The following FN3KRP variants were observed in gnomAD, a reference collection of about 807,000 sequenced individuals.
FN3KRP encodes the protein fructosamine 3 kinase related protein.
In FN3KRP, 33 loss-of-function variants were observed where a neutral mutation model predicts 29.8. The observed-to-expected ratio is 1.11, with a 90% confidence interval of 0.84 to 1.48. The LOEUF is 1.48. Ranked by LOEUF, FN3KRP falls within the 40% of genes most tolerant of loss-of-function variation. FN3KRP has a pLI of 0.00. For missense variants in FN3KRP, 430 were observed against 402.6 expected, an observed-to-expected ratio of 1.07 and a Z score of -0.58; for synonymous variants, 157 against 155.2, an observed-to-expected ratio of 1.01 and a Z score of -0.09.
chr17:82,719,940 G>A (rs530519245), intron 2 of FN3KRP, among the ~76,000 whole-genome samples: 3 of 152,166 alleles, frequency 2.0e-5, no homozygotes, highest in African/African-American at 7.2e-5. Flanking sequence ...CAAGGTGGGC[G>A]GATGACTTGA....
At chr17:82,723,617 G>A (rs1316866721) in intron 4 of FN3KRP, among the ~76,000 whole-genome samples, 5 of 152,102 alleles carry the variant, frequency 3.3e-5, no homozygotes, top group Non-Finnish European at 5.9e-5. Flanking sequence ...ACGCATGTGT[G>A]CATATGTGTA....
rs555497571 is a variant in FN3KRP, at chr17:82,718,602, G to A, written c.142-304G>A. The A allele has an allele frequency of 5.5e-5, 62 of 1,122,346 alleles. 1 individual carries two copies. In the African/African-American group the frequency reaches 6.1e-4, roughly 11 times the overall value. 69.5% of individuals were successfully genotyped at this position (1,122,346 alleles called of 1,614,324 possible). A position where few individuals can be genotyped will look rare whatever the true frequency, so the allele number is the denominator to read the frequency against. ...CCATGTTCACAGTCCCACTGTTGCCGGATCTTAGTGGAATATTAGTGCCTT... is the reference window on the plus strand; with the variant it reads ...CCATGTTCACAGTCCCACTGTTGCCAGATCTTAGTGGAATATTAGTGCCTT... On this transcript the variant is annotated intron_variant, in intron 1 of 5. Coordinates refer to ENST00000269373, the MANE Select transcript of FN3KRP (RefSeq NM_024619.4).
intron 4 of FN3KRP, 76 bp downstream of exon 4, chr17:82,722,962 C>T: frequency 7.7e-7 from 1 of 1,300,226 alleles, no homozygotes; most frequent in Non-Finnish European, 1.1e-6. Context: ...GACACACCCC[C>T]CTCCTTTTTT....
In FN3KRP at chr17:82,726,968, G is replaced by A; in HGVS notation, c.727G>A (p.Glu243Lys). Residue 243 changes from glutamate (E) to lysine (K), a missense_variant, in exon 6 of 6, where the codon GAA becomes AAA. Physicochemically the swap from Glu to Lys is moderately conservative, Grantham distance 56. Transcript: ENST00000269373. ...FDPASFYGHS[E>K]YELAIAGMFG... ...CCCAGCTTCTTTCTACGGCCACTCG[G>A]AATATGAGCTGGCAATAGCTGGCAT... The A allele has an allele frequency of 6.2e-7, 1 of 1,614,076 alleles. No homozygotes were observed.
At chr17:82,718,863 T>C in intron 1 of FN3KRP, 43 bp from the exon 2 acceptor site, 1 of 1,601,078 alleles carries the variant, frequency 6.2e-7, no homozygotes, top group Non-Finnish European at 8.5e-7. Context: ...GGAAGTAACC[T>C]TGCCTCCCTG....
At position 82,726,725 on chromosome 17, in the gene FN3KRP, G is replaced by C; in HGVS notation, c.592-108G>C. On this transcript the variant is annotated intron_variant, in intron 5 of 5. Coordinates refer to ENST00000269373, the MANE Select transcript of FN3KRP (RefSeq NM_024619.4). ...ATTCTGGGTGGGAAGCGGGTGCCTG[G>C]TGGTGTGCTATCCGCTGCTGCCTGG... The C allele has an allele frequency of 2.0e-6, 3 of 1,506,138 alleles. No individual in the cohort carries two copies. The South Asian group carries it at 4.0e-5, about 20-fold the overall frequency. The allele number at this position is 1,506,138 out of a possible 1,614,324, so 93.3% of individuals were successfully genotyped here.
In FN3KRP at chr17:82,726,610, G is replaced by C; in HGVS notation, c.591+8G>C. 4.4e-6 allele frequency: 7 copies of C among 1,607,976 alleles called. No homozygotes were observed. The highest frequency in any genetic ancestry group is 5.1e-6 in the Non-Finnish European group (6 of 1,177,060). On this transcript the variant is annotated splice_region_variant and intron_variant, in intron 5 of 5. Coordinates refer to ENST00000269373, the MANE Select transcript of FN3KRP (RefSeq NM_024619.4). The stretch of plus-strand genomic sequence containing the variant: ...CTTTGGTCTGCTCTGCAGGTGAGTG[G>C]GGCCCCACTGCATGCCCAGCACCTG...
Position 82,717,053 on chromosome 17 carries a change from G to A in FN3KRP, c.141+157G>A, listed in dbSNP as rs567096540. Among the ~76,000 whole-genome samples, 5 of 152,336 alleles carry A rather than the reference G, an allele frequency of 3.3e-5. No individual in the cohort carries two copies. The East Asian group carries it at 9.7e-4, about 29-fold the overall frequency. ...CCCCTTGCGGGGAACCCTTTGCGCGGGGCGAGCGGTGAACGGGGGCGGCGG... is the reference window on the plus strand; with the variant it reads ...CCCCTTGCGGGGAACCCTTTGCGCGAGGCGAGCGGTGAACGGGGGCGGCGG... On this transcript the variant is annotated intron_variant, in intron 1 of 5. Transcript: ENST00000269373.
rs2046846904 is a variant in FN3KRP at position 82,727,472 on chromosome 17, G to C, written c.*301G>C. On this transcript the variant is annotated 3_prime_UTR_variant, in exon 6 of 6. Transcript: ENST00000269373. ...GTGGGGAAACTGTAAGTGAACCCCT[G>C]TGGGTGCGGGGGAGGGTATCCGGTG... is the stretch of plus-strand genomic sequence containing the variant. 6.8e-6 allele frequency: 2 copies of C among 292,188 alleles called. No individual in the cohort carries two copies. Among genetic ancestry groups the C allele is most frequent in the East Asian group, 1.3e-4 (2 of 15,576 alleles). 18.1% of individuals were successfully genotyped at this position (292,188 alleles called of 1,614,324 possible). A position where few individuals can be genotyped will look rare whatever the true frequency, so the allele number is the denominator to read the frequency against.
At chr17:82,724,148 G>T (rs181646390) in intron 4 of FN3KRP, among the ~76,000 whole-genome samples, 15 of 151,222 alleles carry the variant, frequency 9.9e-5, no homozygotes, top group Non-Finnish European at 2.2e-4. Flanking sequence ...CAAAAAATTA[G>T]CAGGGTGTGG....
At chr17:82,723,671 A>G (rs1171255078) in intron 4 of FN3KRP, among the ~76,000 whole-genome samples, 2 of 151,392 alleles carry the variant, frequency 1.3e-5, no homozygotes, top group African/African-American at 2.5e-5. Flanking sequence ...GTGCGCGCAC[A>G]TGTATGTGTG....
At chr17:82,719,940 G>T (rs530519245) in intron 2 of FN3KRP, among the ~76,000 whole-genome samples, 21 of 152,282 alleles carry the variant, frequency 1.4e-4, no homozygotes, top group African/African-American at 4.3e-4. Flanking sequence ...CAAGGTGGGC[G>T]GATGACTTGA....
In FN3KRP at chr17:82,727,015, C is replaced by A; in HGVS notation, c.774C>A (p.Ser258=). The A allele has an allele frequency of 1.2e-6, 2 of 1,614,156 alleles. No individual in the cohort carries two copies. Among genetic ancestry groups the A allele is most frequent in the Non-Finnish European group, 1.7e-6 (2 of 1,180,024 alleles). The change falls in exon 6 of 6, where the codon TCC becomes TCA. Residue 258 remains serine (S), a synonymous_variant. Coordinates refer to ENST00000269373, the MANE Select transcript of FN3KRP (RefSeq NM_024619.4). ...GCATGTTTGGGGGCTTTAGCAGCTC[C>A]TTTTACTCCGCCTACCACGGCAAAA... ...IAGMFGGFSS[S]FYSAYHGKIP...
At chr17:82,718,807 G>C in intron 1 of FN3KRP, 99 bp from the exon 2 acceptor site, 2 of 1,427,546 alleles carry the variant, frequency 1.4e-6, no homozygotes, top group Non-Finnish European at 1.9e-6. Flanking sequence ...GATAGTCTTG[G>C]TTTGAAGTTG....
chr17:82,718,964 C>G lies in FN3KRP; in HGVS notation c.200C>G (p.Thr67Arg), dbSNP rs148310291. The G allele has an allele frequency of 2.5e-6, 4 of 1,614,176 alleles. No homozygotes were observed. The highest frequency in any genetic ancestry group is 3.4e-6 in the Non-Finnish European group (4 of 1,180,012). ...TTAACTGCCATCCTGAAAACAAACA[C>G]GGTGAAAGTGCCCAAGCCCATCAAG... ...ASLTAILKTN[T>R]VKVPKPIKVL... Residue 67 changes from threonine (T) to arginine (R), a missense_variant, in exon 2 of 6, where the codon ACG (threonine) becomes AGG (arginine). Coordinates refer to ENST00000269373, the MANE Select transcript of FN3KRP (RefSeq NM_024619.4).
intron 1 of FN3KRP, among the ~76,000 whole-genome samples, chr17:82,717,748 G>A (rs748950093): frequency 2.5e-4 from 38 of 152,146 alleles, no homozygotes; most frequent in Non-Finnish European, 4.6e-4. Context: ...TCCTAGCAGC[G>A]GTGACATGGC....
intron 4 of FN3KRP, among the ~76,000 whole-genome samples, chr17:82,723,584 CAT>C (rs567507468): frequency 7.6e-4 from 115 of 151,990 alleles, no homozygotes; most frequent in South Asian, 8.3e-4. Flanking sequence ...CATGTGTGTG[CAT>C]ATGTGTGCAT....
At chr17:82,724,845 G>C (rs181046547) in intron 4 of FN3KRP, among the ~76,000 whole-genome samples, 1 of 152,010 alleles carries the variant, frequency 6.6e-6, no homozygotes, top group Admixed American at 6.5e-5. Flanking sequence ...GTCTCGCTCT[G>C]TCACCCAGGC....
rs373232630 is a variant in FN3KRP at position 82,723,565 on chromosome 17, ATG to A, written c.468+686_468+687del. Among the ~76,000 whole-genome samples the A allele has an allele frequency of 6.3e-3, 907 of 144,340 alleles. 7 individuals carry two copies. The highest frequency in any genetic ancestry group is 0.024 in the African/African-American group (820 of 34,606). 94.7% of individuals were successfully genotyped at this position (144,340 alleles called of 152,430 possible). A position where few individuals can be genotyped will look rare whatever the true frequency, so the allele number is the denominator to read the frequency against. On this transcript the variant is annotated intron_variant, in intron 4 of 5. Coordinates refer to ENST00000269373, the MANE Select transcript of FN3KRP (RefSeq NM_024619.4). ...CACGCACGTCTGTGCGCATATGTGT[ATG>A]TGTGTGCATGTGTGTGCATATGTGT...
Sources: allele counts gnomAD v4.1 joint callset (sites outside exome capture counted in the v4.1 genomes callset), GRCh38; gene constraint gnomAD v4.1.1; transcripts MANE v1.5; gene names NCBI Gene and HGNC (gene_info 2026-07-23, HGNC 2026-07-21).